RPGRIP1L: variants seen among roughly 807,000 people sequenced by gnomAD.
The protein encoded by RPGRIP1L is RPGRIP1 like.
A neutral mutation model predicts 160.4 loss-of-function variants in RPGRIP1L; 131 were observed. The observed-to-expected ratio is 0.82, with a 90% CI of 0.71 to 0.94. RPGRIP1L has a LOEUF of 0.94. Among genes scored for constraint, RPGRIP1L ranks in the 40% least tolerant of loss-of-function variants. The pLI, the probability that RPGRIP1L is intolerant of heterozygous loss-of-function variation, is 0.00. For missense variants in RPGRIP1L, 1,522 were observed against 1,535.8 expected (o/e 0.99, Z 0.15); for synonymous variants, 510 against 515.8 (o/e 0.99, Z 0.15).
At chr16:53,643,598 A>G (rs552722563) in intron 17 of RPGRIP1L, among the ~76,000 whole-genome samples, 24 of 152,326 alleles carry the variant, frequency 1.6e-4, no homozygotes, top group African/African-American at 5.3e-4. Flanking sequence ...ACACCTTTGA[A>G]CAATCACTGA....
At position 53,675,139 on chromosome 16, in the gene RPGRIP1L, A is replaced by C. The variant is rs776986581; in HGVS notation, c.777-17T>G. 8 of 1,567,802 alleles carry C rather than the reference A, an allele frequency of 5.1e-6. 1 individual carries two copies. In the South Asian group the frequency reaches 5.6e-5, roughly 11 times the overall value. On this transcript the variant is annotated splice_polypyrimidine_tract_variant and intron_variant, in intron 6 of 26. Transcript: ENST00000647211. Reference sequence around the variant, plus strand: ...ATATTTGACCTTCAGAGTTGTGTTTAAGAAAAAGAGAGACAGAAGTAAAAA... The same window carrying C: ...ATATTTGACCTTCAGAGTTGTGTTTCAGAAAAAGAGAGACAGAAGTAAAAA...
chr16:53,672,135 A>T (rs1567863961), intron 8 of RPGRIP1L, among the ~76,000 whole-genome samples: 1 of 152,180 alleles, frequency 6.6e-6, no homozygotes, highest in African/African-American at 2.4e-5. Flanking sequence ...TTAGCCCATG[A>T]ACAGTATTTT....
chr16:53,636,487 G>A lies in RPGRIP1L; in HGVS notation c.3246C>T (p.Asp1082=), dbSNP rs1262452457. 2 of 1,612,356 alleles carry A rather than the reference G, an allele frequency of 1.2e-6. No individual in the cohort carries two copies. Among genetic ancestry groups the A allele is most frequent in the African/African-American group, 2.7e-5 (2 of 74,992 alleles). Residue 1082 remains aspartate (D), a synonymous_variant, in exon 22 of 27, where the codon GAC becomes GAT. Transcript: ENST00000647211. The part of the protein sequence containing the change: ...PEVEEDMSAS[D]SDDCIIPGPI... The stretch of plus-strand genomic sequence containing the variant: ...GACCTGGAATAATACAGTCATCACT[G>A]TCAGAAGCTGACATGTCCTCTTCAA...
intron 9 of RPGRIP1L, 32 bp from the exon 10 acceptor site, chr16:53,665,041 T>C (rs1473078258): frequency 5.6e-6 from 9 of 1,612,546 alleles, no homozygotes; most frequent in Non-Finnish European, 7.6e-6. Context: ...CAAGGAAAGC[T>C]TGGAAATCAG....
At chr16:53,607,614 A>G (rs1963768701) in intron 25 of RPGRIP1L, among the ~76,000 whole-genome samples, 1 of 152,224 alleles carries the variant, frequency 6.6e-6, no homozygotes, top group African/African-American at 2.4e-5. Flanking sequence ...TTATCTTCAT[A>G]CAGTGTCTCA....
intron 21 of RPGRIP1L, among the ~76,000 whole-genome samples, chr16:53,636,984 A>G: frequency 7.4e-6 from 1 of 134,762 alleles, no homozygotes; most frequent in East Asian, 2.3e-4. Context: ...ACACACACAC[A>G]CACTCTTTAA....
rs182179643 is a variant in RPGRIP1L at position 53,650,246 on chromosome 16, C to T, written c.2153-1131G>A. 8.6e-3 allele frequency among the ~76,000 whole-genome samples: 1,305 copies of T among 152,228 alleles called. 8 individuals carry two copies. Among genetic ancestry groups the T allele is most frequent in the Non-Finnish European group, 0.015 (996 of 68,012 alleles). ...GCCGAGATTGACCCCTTCTTGCTCG[C>T]TCCCACCCTCTAACCTTCTGCCATG... On this transcript the variant is annotated intron_variant, in intron 15 of 26. Transcript: ENST00000647211.
At chr16:53,687,492 AT>A (rs1298088106) in intron 5 of RPGRIP1L, among the ~76,000 whole-genome samples, 1 of 151,920 alleles carries the variant, frequency 6.6e-6, no homozygotes, top group African/African-American at 2.4e-5. Context: ...TTCTTTATTT[AT>A]TTTTTTTAAC....
chr16:53,691,998 T>C, intron 4 of RPGRIP1L, 68 bp downstream of exon 4: 1 of 1,463,844 alleles, frequency 6.8e-7, no homozygotes, highest in Non-Finnish European at 9.6e-7. Flanking sequence ...AAGTAAAACT[T>C]TGTGTTTTTT....
Position 53,641,267 on chromosome 16 carries a change from A to T in RPGRIP1L, c.2874+18T>A. The T allele has an allele frequency of 6.2e-7, 1 of 1,611,070 alleles. No homozygotes were observed. The highest frequency in any genetic ancestry group is 1.1e-5 in the South Asian group (1 of 90,608). The stretch of plus-strand genomic sequence containing the variant: ...AAATTTTATACTTGTAAAAAAATTA[A>T]AAGTCACTGATACTCACTAAAACTA... On this transcript the variant is annotated intron_variant, in intron 18 of 26. Coordinates refer to ENST00000647211, the MANE Select transcript of RPGRIP1L (RefSeq NM_015272.5).
Position 53,671,575 on chromosome 16 carries a change from AT to A in RPGRIP1L, c.1037del (p.Asp346ValfsTer6). 1 of 1,518,714 alleles carries A rather than the reference AT, an allele frequency of 6.6e-7. No individual in the cohort carries two copies. Among genetic ancestry groups the A allele is most frequent in the Non-Finnish European group, 9.1e-7 (1 of 1,098,422 alleles). 94.1% of individuals were successfully genotyped at this position (1,518,714 alleles called of 1,614,324 possible). A position where few individuals can be genotyped will look rare whatever the true frequency, so the allele number is the denominator to read the frequency against. ...GTTCCTTTTCTAAATCATTAATTCT[AT>A]CCTGCAGCTAAAATGAAAATAAAAT... ...FSERRIEELQ[D>X]RINDLEKERE... is the part of the protein sequence containing the mutation. On this transcript the variant is annotated frameshift_variant, in exon 9 of 27. Transcript: ENST00000647211. LOFTEE classifies it high-confidence loss of function.
chr16:53,663,632 T>A lies in RPGRIP1L; in HGVS notation c.1243+1238A>T, dbSNP rs1024351710. Among the ~76,000 whole-genome samples the A allele has an allele frequency of 5.2e-4, 79 of 152,036 alleles. 2 individuals are homozygous for A. Among genetic ancestry groups the A allele is most frequent in the Non-Finnish European group, 1.2e-4 (8 of 67,932 alleles). ...TCAGGAACTGTATGTATTTCTGACA[T>A]GAAAACTTAAAAAAATCCACCAGGT... On this transcript the variant is annotated intron_variant, in intron 10 of 26. Transcript: ENST00000647211.
intron 7 of RPGRIP1L, among the ~76,000 whole-genome samples, 187 bp from the exon 8 acceptor site, chr16:53,673,203 A>G (rs1159143620): frequency 2.0e-5 from 3 of 152,308 alleles, no homozygotes; most frequent in African/African-American, 4.8e-5. Context: ...CGCTCTGAAC[A>G]TGTGTGTGAC....
At chr16:53,656,652 C>G in intron 13 of RPGRIP1L, 63 bp from the exon 14 acceptor site, 1 of 1,184,996 alleles carries the variant, frequency 8.4e-7, no homozygotes, top group African/African-American at 1.5e-5. Context: ...TTATTCAAAG[C>G]AACTATGATT....
chr16:53,641,193 T>C (rs1370526597), intron 18 of RPGRIP1L, 77 bp from the exon 19 acceptor site: 2 of 1,482,586 alleles, frequency 1.3e-6, no homozygotes, highest in East Asian at 2.3e-5. Context: ...CTATTATTAT[T>C]ATTTTTTTTT....
chr16:53,630,829 G>C (rs867723804), intron 22 of RPGRIP1L, among the ~76,000 whole-genome samples: 1 of 152,036 alleles, frequency 6.6e-6, no homozygotes, highest in Non-Finnish European at 1.5e-5. Context: ...CTGCCTCCCA[G>C]GCTCAAGGAC....
intron 22 of RPGRIP1L, among the ~76,000 whole-genome samples, chr16:53,632,531 G>A (rs1965584982): frequency 6.6e-6 from 1 of 152,076 alleles, no homozygotes; most frequent in South Asian, 2.1e-4. Context: ...AACAAGGCTA[G>A]GAACACAGCA....
In RPGRIP1L at chr16:53,657,524, CT is replaced by C. The variant is rs1411473822; in HGVS notation, c.1509del (p.Glu504LysfsTer13). ...RSMRELQATHAETVQELEKTR... is the reference protein window; with the variant it reads ...RSMRELQATHXETVQELEKTR... Reference sequence around the variant, plus strand: ...GTCTTTTCCAGCTCTTGCACCGTTTCTGCATGAGTTGCTTGCAGCTCTCTCA... The same window carrying C: ...GTCTTTTCCAGCTCTTGCACCGTTTCGCATGAGTTGCTTGCAGCTCTCTCA... On this transcript the variant is annotated frameshift_variant, in exon 13 of 27. Transcript: ENST00000647211. LOFTEE classifies it high-confidence loss of function. 6.2e-7 allele frequency: 1 copy of C among 1,612,636 alleles called. No homozygotes were observed. Among genetic ancestry groups the C allele is most frequent in the Non-Finnish European group, 8.5e-7 (1 of 1,178,996 alleles).
At chr16:53,624,613 T>A (rs189265232) in intron 22 of RPGRIP1L, among the ~76,000 whole-genome samples, 1 of 152,064 alleles carries the variant, frequency 6.6e-6, no homozygotes, top group East Asian at 1.9e-4. Context: ...GAGAAATATA[T>A]AGAACTCTTG....
Sources: gnomAD v4.1 joint callset for allele counts (sites outside exome capture counted in the v4.1 genomes callset) on GRCh38, gnomAD v4.1.1 for gene constraint, MANE v1.5 for transcripts, NCBI Gene and HGNC (gene_info 2026-07-23, HGNC 2026-07-21) for gene names.